The following FBXO42 variants were observed in gnomAD, a reference collection of about 807,000 sequenced individuals.
FBXO42 encodes the protein F-box only protein 42.
Under a neutral mutation model 71.7 loss-of-function variants are expected in FBXO42, and 12 were observed. The observed-to-expected ratio is 0.17, with a 90% CI of 0.11 to 0.27. The LOEUF is 0.27. Ranked by LOEUF, FBXO42 falls within the 10% of genes least tolerant of loss-of-function variation. FBXO42 has a pLI of 1.00. For missense variants in FBXO42, 707 were observed against 911.9 expected (o/e 0.78, Z 2.89); for synonymous variants, 325 against 327.5 (o/e 0.99, Z 0.08).
At chr1:16,303,928 T>TA (rs1002855927) in intron 3 of FBXO42, among the ~76,000 whole-genome samples, 45 of 151,736 alleles carry the variant, frequency 3.0e-4, no homozygotes, top group Admixed American at 2.6e-3. Context: ...TATATATATA[T>TA]TTTTTTAAGA....
chr1:16,350,743 CAAAAAAAAA>C (rs143818159), intron 1 of FBXO42, among the ~76,000 whole-genome samples: 2 of 65,754 alleles, frequency 3.0e-5, no homozygotes, highest in African/African-American at 6.1e-5. Context: ...TGAGAAACTG[CAAAAAAAAA>C]AAAAAAAAGA....
At chr1:16,341,100 A>ATAC (rs759425178) in intron 1 of FBXO42, among the ~76,000 whole-genome samples, 11 of 152,238 alleles carry the variant, frequency 7.2e-5, no homozygotes, top group Non-Finnish European at 1.5e-4. Context: ...TCTCCAAAAT[A>ATAC]TACTAGGTGA....
intron 1 of FBXO42, among the ~76,000 whole-genome samples, chr1:16,351,689 A>G (rs1250233846): frequency 1.3e-5 from 2 of 152,082 alleles, no homozygotes; most frequent in African/African-American, 2.4e-5. Context: ...TTCCACAGTC[A>G]CAGCATGGAT....
rs1329808076 is a variant in FBXO42, at chr1:16,248,754, A to G, written c.*1916T>C. ...ACAGCACCAGAGCCTGAGTCGCGAA[A>G]GGGAAGTGTGGAGCTCCAAGCAGTT... On this transcript the variant is annotated 3_prime_UTR_variant, in exon 10 of 10. Coordinates refer to ENST00000375592, the MANE Select transcript of FBXO42 (RefSeq NM_018994.3). 6.6e-6 allele frequency: 1 copy of G among 152,256 alleles called. No homozygotes were observed. Among genetic ancestry groups the G allele is most frequent in the Non-Finnish European group, 1.5e-5 (1 of 68,056 alleles). The allele number at this position is 152,256 out of a possible 1,614,324, so 9.4% of individuals were successfully genotyped here.
Position 16,270,751 on chromosome 1 carries a change from T to TACACACACACACACAC in FBXO42, c.503-14008_503-13993dup, listed in dbSNP as rs58610558. Reference sequence around the variant, plus strand: ...TCCAAATCCCTTACTTACCATGAGATACACACACACACACACACACACACA... The same window carrying TACACACACACACACAC: ...TCCAAATCCCTTACTTACCATGAGATACACACACACACACACACACACACACACACACACACACACA... On this transcript the variant is annotated intron_variant, in intron 4 of 9. Transcript: ENST00000375592. 5.4e-5 allele frequency among the ~76,000 whole-genome samples: 6 copies of TACACACACACACACAC among 111,002 alleles called. No homozygotes were observed. In the East Asian group the frequency reaches 1.1e-3, roughly 20 times the overall value. 72.8% of individuals were successfully genotyped at this position (111,002 alleles called of 152,430 possible).
chr1:16,335,519 C>T (rs1333084300), intron 1 of FBXO42, among the ~76,000 whole-genome samples: 1 of 152,080 alleles, frequency 6.6e-6, no homozygotes, highest in Non-Finnish European at 1.5e-5. Flanking sequence ...CTTCTTCAAT[C>T]TATTCTTTAT....
intron 3 of FBXO42, among the ~76,000 whole-genome samples, chr1:16,297,573 A>C (rs755927847): frequency 6.6e-6 from 1 of 152,188 alleles, no homozygotes; most frequent in African/African-American, 2.4e-5. Context: ...CTAAGAAGTC[A>C]AGTCCAGGCC....
Position 16,275,066 on chromosome 1 carries a change from G to A in FBXO42, c.503-18307C>T, listed in dbSNP as rs142541756. 5.5e-3 allele frequency among the ~76,000 whole-genome samples: 832 copies of A among 152,190 alleles called. 8 individuals carry two copies. The highest frequency in any genetic ancestry group is 7.7e-3 in the Admixed American group (117 of 15,264). On this transcript the variant is annotated intron_variant, in intron 4 of 9. Transcript: ENST00000375592. ...TTAGAATTAAAATTCATTATATGAG[G>A]TCTTTAAGAACCCATTCATCACATA...
intron 1 of FBXO42, among the ~76,000 whole-genome samples, chr1:16,346,279 A>G (rs1302684929): frequency 1.4e-4 from 22 of 152,208 alleles, no homozygotes; most frequent in Non-Finnish European, 4.4e-5. Context: ...TGAATTCCTT[A>G]AAACAACTGA....
At chr1:16,297,866 CAAAAAAAAA>C (rs34942089) in intron 3 of FBXO42, among the ~76,000 whole-genome samples, 1 of 74,556 alleles carries the variant, frequency 1.3e-5, no homozygotes, top group Non-Finnish European at 2.5e-5. Context: ...GACTCCATCT[CAAAAAAAAA>C]AAAAAAAAAA....
intron 4 of FBXO42, among the ~76,000 whole-genome samples, chr1:16,277,528 C>CTGGCCTGGCCT (rs1224070437): frequency 6.3e-4 from 95 of 151,482 alleles, no homozygotes; most frequent in African/African-American, 2.2e-3. Flanking sequence ...AGTTTGAGAC[C>CTGGCCTGGCCT]AGCCTGGCCA....
chr1:16,318,674 G>A (rs947610063), intron 1 of FBXO42, among the ~76,000 whole-genome samples: 11 of 152,172 alleles, frequency 7.2e-5, no homozygotes, highest in African/African-American at 2.7e-4. Context: ...GATTCTCCAG[G>A]AAGCAGATGC....
At chr1:16,291,833 G>T (rs747956694) in intron 4 of FBXO42, among the ~76,000 whole-genome samples, 1 of 151,990 alleles carries the variant, frequency 6.6e-6, no homozygotes, top group Non-Finnish European at 1.5e-5. Context: ...CATCATGCCC[G>T]GCTCATTTTT....
At chr1:16,332,061 A>T (rs1033477623) in intron 1 of FBXO42, among the ~76,000 whole-genome samples, 3 of 152,118 alleles carry the variant, frequency 2.0e-5, no homozygotes, top group Non-Finnish European at 4.4e-5. Context: ...AAAAAAAAAA[A>T]GAAAAAGAAA....
intron 2 of FBXO42, among the ~76,000 whole-genome samples, chr1:16,306,162 C>A (rs967582524): frequency 6.6e-6 from 1 of 152,026 alleles, no homozygotes; most frequent in Non-Finnish European, 1.5e-5. Flanking sequence ...GCTGGGATTA[C>A]AGGTACCTGC....
chr1:16,296,856 A>G (rs1289027088), intron 3 of FBXO42, among the ~76,000 whole-genome samples: 2 of 151,744 alleles, frequency 1.3e-5, no homozygotes, highest in African/African-American at 2.4e-5. Flanking sequence ...GACTCATCCA[A>G]TGCCACTACT....
chr1:16,331,464 G>A (rs1382438174), intron 1 of FBXO42, among the ~76,000 whole-genome samples: 1 of 145,366 alleles, frequency 6.9e-6, no homozygotes, highest in Non-Finnish European at 1.5e-5. Flanking sequence ...TAATTAAAAA[G>A]TAAAAACCGG....
In FBXO42 at chr1:16,350,757, A is replaced by AAGAAAGAAAG. The variant is rs1553156685; in HGVS notation, c.-18+1497_-18+1498insCTTTCTTTCT. 4.4e-3 allele frequency among the ~76,000 whole-genome samples: 193 copies of AAGAAAGAAAG among 44,262 alleles called. 1 individual carries two copies. Among genetic ancestry groups the AAGAAAGAAAG allele is most frequent in the African/African-American group, 0.011 (127 of 11,768 alleles). 29.0% of individuals were successfully genotyped at this position (44,262 alleles called of 152,430 possible). On this transcript the variant is annotated intron_variant, in intron 1 of 9. Coordinates refer to ENST00000375592, the MANE Select transcript of FBXO42 (RefSeq NM_018994.3). Reference sequence around the variant, plus strand: ...GTGAGAAACTGCAAAAAAAAAAAAAAAAAGAAAGAAAGAAAGAAAGAAAGA... The same window carrying AAGAAAGAAAG: ...GTGAGAAACTGCAAAAAAAAAAAAAAAGAAAGAAAGAAAGAAAGAAAGAAAGAAAGAAAGA...
chr1:16,279,849 T>TTTTTA (rs1553151067), intron 4 of FBXO42, among the ~76,000 whole-genome samples: 2 of 76,828 alleles, frequency 2.6e-5, no homozygotes, highest in Non-Finnish European at 5.7e-5. Flanking sequence ...AATGGTTTTT[T>TTTTTA]TTTTCTTTTT....
Sources: gnomAD v4.1 joint callset for allele counts (sites outside exome capture counted in the v4.1 genomes callset) on GRCh38, gnomAD v4.1.1 for gene constraint, MANE v1.5 for transcripts, NCBI Gene and HGNC (gene_info 2026-07-23, HGNC 2026-07-21) for gene names.